The following GATB variants were observed in gnomAD, a reference collection of about 807,000 sequenced individuals.
GATB encodes glutamyl-tRNA amidotransferase subunit B.
GATB carries 39 observed loss-of-function variants against 62.3 expected under a neutral mutation model. The observed-to-expected ratio is 0.63, with a 90% CI of 0.48 to 0.82. The LOEUF (loss-of-function observed/expected upper bound fraction) is 0.82. Ranked by LOEUF, GATB falls within the 40% of genes least tolerant of loss-of-function variation. GATB has a pLI of 0.00. For synonymous variants in GATB, 276 were observed against 258.9 expected, an observed-to-expected ratio of 1.07 and a Z score of -0.63; for missense variants, 670 against 684.0, an observed-to-expected ratio of 0.98 and a Z score of 0.23.
rs139362776 is a variant in GATB at position 151,672,383 on chromosome 4, G to GTTC, written c.1545+376_1545+378dup. Among the ~76,000 whole-genome samples, 28 of 152,270 alleles carry GTTC rather than the reference G, an allele frequency of 1.8e-4. No homozygotes were observed. In the East Asian group the frequency reaches 3.5e-3, roughly 19 times the overall value. On this transcript the variant is annotated intron_variant, in intron 12 of 12. Transcript: ENST00000263985. ...CCCTGCTCTGCCGGCACACCTGCTG[G>GTTC]TTCTTTACTGGGAGGTCCTTAGGAA... is the stretch of plus-strand genomic sequence containing the variant.
chr4:151,726,307 C>T (rs1267438971), intron 2 of GATB, among the ~76,000 whole-genome samples: 1 of 152,098 alleles, frequency 6.6e-6, no homozygotes, highest in Non-Finnish European at 1.5e-5. Context: ...AATATTGCTC[C>T]CCTGTTTCCG....
In GATB at chr4:151,757,589, C is replaced by T. The variant is rs556473856; in HGVS notation, c.327+1183G>A. Among the ~76,000 whole-genome samples the T allele has an allele frequency of 3.2e-3, 491 of 151,330 alleles. 2 individuals are homozygous for T. Among genetic ancestry groups the T allele is most frequent in the African/African-American group, 0.011 (469 of 41,114 alleles). On this transcript the variant is annotated intron_variant, in intron 2 of 12. Transcript: ENST00000263985. ...CCAGGTTCACGCCATTCTCCTGCCTCAGCCTCCCCAGTAACTGGGACTACA... is the reference window on the plus strand; with the variant it reads ...CCAGGTTCACGCCATTCTCCTGCCTTAGCCTCCCCAGTAACTGGGACTACA...
chr4:151,718,872 T>C (rs1299172756), intron 3 of GATB, among the ~76,000 whole-genome samples: 1 of 151,998 alleles, frequency 6.6e-6, no homozygotes, highest in Admixed American at 6.5e-5. Context: ...CAATATGGAG[T>C]TTACTGCTCA....
At chr4:151,728,292 T>A (rs950590331) in intron 2 of GATB, among the ~76,000 whole-genome samples, 7 of 152,218 alleles carry the variant, frequency 4.6e-5, no homozygotes, top group African/African-American at 1.7e-4. Flanking sequence ...CTGCCACACA[T>A]CTGTAACTTC....
At chr4:151,749,231 T>C (rs1486902081) in intron 2 of GATB, among the ~76,000 whole-genome samples, 1 of 152,172 alleles carries the variant, frequency 6.6e-6, no homozygotes, top group East Asian at 1.9e-4. Context: ...TGCGGCACTA[T>C]TCACAATAGC....
rs151106436 is a variant in GATB, at chr4:151,715,789, T to C, written c.763+220A>G. ...TGTCTCTGCAATGTTGTTGGTCGTA[T>C]ATTTATATTTGGTTGGGGGCTCATC... is the stretch of plus-strand genomic sequence containing the variant. On this transcript the variant is annotated intron_variant, in intron 5 of 12. Transcript: ENST00000263985. Among the ~76,000 whole-genome samples the C allele has an allele frequency of 7.2e-5, 11 of 152,312 alleles. No homozygotes were observed. In the East Asian group the frequency reaches 1.7e-3, roughly 24 times the overall value.
chr4:151,730,929 C>A lies in GATB; in HGVS notation c.328-11391G>T, dbSNP rs149389616. Among the ~76,000 whole-genome samples the A allele has an allele frequency of 7.7e-3, 1,172 of 152,288 alleles. 13 individuals are homozygous for A. The highest frequency in any genetic ancestry group is 0.027 in the African/African-American group (1,115 of 41,546). ...CAATGAATCCAAATCAAGAAGAAATCCCTGATTTACCTGAAAAAGAATTCA... is the reference window on the plus strand; with the variant it reads ...CAATGAATCCAAATCAAGAAGAAATACCTGATTTACCTGAAAAAGAATTCA... On this transcript the variant is annotated intron_variant, in intron 2 of 12. Transcript: ENST00000263985. This position sits in a 1 kb window ranked among gnomAD's most constrained non-coding sequence, Gnocchi z 4.1.
chr4:151,705,129 C>A, intron 7 of GATB, 56 bp downstream of exon 7: 1 of 1,244,704 alleles, frequency 8.0e-7, no homozygotes, highest in Non-Finnish European at 1.2e-6. Context: ...TGGCTGAGCC[C>A]AGCCCTCTCG....
At chr4:151,731,823 G>A (rs1347013612) in intron 2 of GATB, among the ~76,000 whole-genome samples, 1 of 150,860 alleles carries the variant, frequency 6.6e-6, no homozygotes, top group Non-Finnish European at 1.5e-5. Context: ...GAGAAGTGAG[G>A]AGCCCCTCTG....
intron 10 of GATB, among the ~76,000 whole-genome samples, chr4:151,683,843 C>A (rs1440005808): frequency 1.3e-5 from 2 of 152,212 alleles, no homozygotes; most frequent in Non-Finnish European, 2.9e-5. Flanking sequence ...TTTCCCACCA[C>A]CCATCTTCTG....
intron 2 of GATB, among the ~76,000 whole-genome samples, chr4:151,738,404 T>C (rs1260304858): frequency 6.6e-6 from 1 of 152,194 alleles, no homozygotes; most frequent in Non-Finnish European, 1.5e-5. Flanking sequence ...GGAATTTCCT[T>C]GCACAAGCTG....
In GATB at chr4:151,749,351, T is replaced by C. The variant is rs536092076; in HGVS notation, c.327+9421A>G. Among the ~76,000 whole-genome samples the C allele has an allele frequency of 7.2e-5, 11 of 152,268 alleles. No individual in the cohort carries two copies. The South Asian group carries it at 2.3e-3, about 32-fold the overall frequency. On this transcript the variant is annotated intron_variant, in intron 2 of 12. Transcript: ENST00000263985. ...AGCCATAAAAAATGATAAGTTCATG[T>C]CCTTTGTAGGGACATGGATGAAGCT...
chr4:151,707,314 G>A (rs1738733992), intron 6 of GATB, among the ~76,000 whole-genome samples: 1 of 151,888 alleles, frequency 6.6e-6, no homozygotes, highest in Non-Finnish European at 1.5e-5. Context: ...TTTTCTTAGA[G>A]ACAGAGTCTT....
chr4:151,716,275 ACC>A, intron 4 of GATB, 144 bp from the exon 5 acceptor site: 1 of 345,002 alleles, frequency 2.9e-6, no homozygotes, highest in Non-Finnish European at 4.4e-6. Context: ...CTTCCCTCCC[ACC>A]TTTTTTTTTT....
At chr4:151,731,732 G>A (rs867862101) in intron 2 of GATB, among the ~76,000 whole-genome samples, 10 of 149,916 alleles carry the variant, frequency 6.7e-5, no homozygotes, top group South Asian at 2.1e-4. Flanking sequence ...CCGCTGCCCC[G>A]TCTGGGATGT....
intron 2 of GATB, among the ~76,000 whole-genome samples, chr4:151,745,242 A>G (rs578104117): frequency 6.6e-6 from 1 of 152,368 alleles, no homozygotes; most frequent in Admixed American, 6.5e-5. Flanking sequence ...ACGTATTTAA[A>G]GACTTTTCCC....
At chr4:151,709,377 C>T (rs1052723434) in intron 5 of GATB, among the ~76,000 whole-genome samples, 1 of 152,188 alleles carries the variant, frequency 6.6e-6, no homozygotes, top group African/African-American at 2.4e-5. Flanking sequence ...TCAGACATTA[C>T]TCTCTCCAGC....
chr4:151,718,573 G>A (rs1578920761), intron 3 of GATB, among the ~76,000 whole-genome samples: 1 of 152,136 alleles, frequency 6.6e-6, no homozygotes, highest in African/African-American at 2.4e-5. Context: ...GGCCAGAGGG[G>A]AAAAGCAGCA....
intron 2 of GATB, among the ~76,000 whole-genome samples, chr4:151,742,341 G>T (rs1264661591): frequency 6.6e-6 from 1 of 152,168 alleles, no homozygotes; most frequent in African/African-American, 2.4e-5. Context: ...GCCTGCCTTG[G>T]CCTCCCAAAG....
Sources: gnomAD v4.1 joint callset for allele counts (sites outside exome capture counted in the v4.1 genomes callset) on GRCh38, gnomAD v4.1.1 for gene constraint, Gnocchi (gnomAD v3.1) non-coding constraint, MANE v1.5 for transcripts, NCBI Gene and HGNC (gene_info 2026-07-23, HGNC 2026-07-21) for gene names.